Variants in CLTC observed in about 807,000 individuals in gnomAD.
CLTC encodes clathrin heavy chain 1.
Under a neutral mutation model 195.8 loss-of-function variants are expected in CLTC, and 16 were observed. The observed-to-expected ratio is 0.08, with a 90% CI of 0.06 to 0.12. CLTC has a LOEUF of 0.12. CLTC is among the 10% of genes least tolerant of loss of function. The pLI is 1.00. For missense variants in CLTC, 796 were observed against 2,027.0 expected (o/e 0.39, Z 11.66); for synonymous variants, 667 against 689.4 (o/e 0.97, Z 0.51).
At chr17:59,677,355 A>G (rs1567966186) in intron 17 of CLTC, among the ~76,000 whole-genome samples, 167 bp downstream of exon 17, 1 of 152,176 alleles carries the variant, frequency 6.6e-6, no homozygotes, top group Non-Finnish European at 1.5e-5. Context: ...AATAGTGGAT[A>G]AAGTCTATAT....
At chr17:59,655,606 C>G (rs191024534) in intron 5 of CLTC, among the ~76,000 whole-genome samples, 1 of 152,178 alleles carries the variant, frequency 6.6e-6, no homozygotes, top group East Asian at 1.9e-4. Context: ...CCCTGTAATA[C>G]GTAAACTGTG....
intron 5 of CLTC, 149 bp from the exon 6 acceptor site, chr17:59,655,705 G>A: frequency 1.8e-6 from 1 of 568,912 alleles, no homozygotes; most frequent in South Asian, 2.8e-5. Context: ...CTGTAGAAAT[G>A]AAGGAAACTT....
At chr17:59,680,864 T>A in intron 18 of CLTC, 48 bp from the exon 19 acceptor site, 2 of 1,490,194 alleles carry the variant, frequency 1.3e-6, no homozygotes, top group Non-Finnish European at 9.0e-7. Flanking sequence ...TACGCTTTTT[T>A]AAAACCAACT....
chr17:59,635,935 C>T (rs916075352), intron 1 of CLTC, among the ~76,000 whole-genome samples: 2 of 152,090 alleles, frequency 1.3e-5, no homozygotes, highest in African/African-American at 4.8e-5. Flanking sequence ...ATCGGCCAGG[C>T]GTGGTGGCTC....
intron 31 of CLTC, among the ~76,000 whole-genome samples, chr17:59,691,000 A>C (rs1263014755): frequency 6.6e-6 from 1 of 152,222 alleles, no homozygotes; most frequent in Non-Finnish European, 1.5e-5. Context: ...AATTACTGAA[A>C]AAGAAATATT....
In CLTC at chr17:59,620,246, C is replaced by T; in HGVS notation, c.42+73C>T. ...AGGATGGAAGACGCTGGAGTCTGGG[C>T]CCGAGCAGTATCGGAGCTGGAGGGG... is the stretch of plus-strand genomic sequence containing the variant. On this transcript the variant is annotated intron_variant, in intron 1 of 31. Transcript: ENST00000269122. 1.9e-6 allele frequency: 3 copies of T among 1,545,072 alleles called. No homozygotes were observed. The Admixed American group carries it at 5.0e-5, about 26-fold the overall frequency.
chr17:59,671,428 G>A (rs1157237167), intron 14 of CLTC, among the ~76,000 whole-genome samples: 1 of 152,044 alleles, frequency 6.6e-6, no homozygotes, highest in Non-Finnish European at 1.5e-5. Context: ...TAAACCCTGT[G>A]TCATAAGAAA....
intron 4 of CLTC, among the ~76,000 whole-genome samples, chr17:59,650,383 A>G (rs959183661): frequency 2.0e-5 from 3 of 152,196 alleles, no homozygotes; most frequent in African/African-American, 7.2e-5. Context: ...TAAAATTTAA[A>G]GCTAGGAGAA....
chr17:59,647,711 G>A (rs375787067), intron 3 of CLTC, 45 bp downstream of exon 3: 143 of 1,520,694 alleles, frequency 9.4e-5, no homozygotes, highest in African/African-American at 4.4e-4. Flanking sequence ...TTTAGAACAC[G>A]GTTGTGCCCA....
chr17:59,649,907 G>T (rs2032288251), intron 4 of CLTC, among the ~76,000 whole-genome samples: 1 of 152,054 alleles, frequency 6.6e-6, no homozygotes, highest in African/African-American at 2.4e-5. Context: ...TTATTGAAAA[G>T]TTCTACTAGA....
At chr17:59,687,078 CATG>C (rs2033200273) in intron 30 of CLTC, 1 of 918,142 alleles carries the variant, frequency 1.1e-6, no homozygotes, top group African/African-American at 1.8e-5. Flanking sequence ...AAGGAATTTG[CATG>C]ATGTTTTTCC....
chr17:59,646,943 T>C (rs996175105), intron 2 of CLTC, among the ~76,000 whole-genome samples: 18 of 152,202 alleles, frequency 1.2e-4, no homozygotes, highest in Non-Finnish European at 1.5e-5. Flanking sequence ...TTCCACAAGA[T>C]TTATTTAGAT....
chr17:59,682,617 T>C lies in CLTC; in HGVS notation c.3601-12T>C, dbSNP rs1311369713. On this transcript the variant is annotated splice_polypyrimidine_tract_variant and intron_variant, in intron 22 of 31. Coordinates refer to ENST00000269122, the MANE Select transcript of CLTC (RefSeq NM_004859.4). This position sits in a 1 kb window ranked among gnomAD's most constrained non-coding sequence, Gnocchi z 6.8. ...ATATCTTGCTGAATGTGGGTTACCT[T>C]TTTTTTTCCAGGTTGGTGACCGTTG... 1 of 1,612,398 alleles carries C rather than the reference T, an allele frequency of 6.2e-7. No homozygotes were observed. Among genetic ancestry groups the C allele is most frequent in the African/African-American group, 1.3e-5 (1 of 74,814 alleles).
intron 1 of CLTC, among the ~76,000 whole-genome samples, chr17:59,641,083 C>T (rs1290337723): frequency 6.7e-6 from 1 of 149,190 alleles, no homozygotes; most frequent in Admixed American, 6.7e-5. Flanking sequence ...CATGCCACTG[C>T]ATTCCAGCCT....
At chr17:59,632,455 A>G (rs1184903821) in intron 1 of CLTC, among the ~76,000 whole-genome samples, 1 of 152,052 alleles carries the variant, frequency 6.6e-6, no homozygotes, top group Non-Finnish European at 1.5e-5. Context: ...ATTTGAAAGA[A>G]CCAAAATTAA....
At chr17:59,626,274 C>T (rs542214417) in intron 1 of CLTC, among the ~76,000 whole-genome samples, 2 of 152,206 alleles carry the variant, frequency 1.3e-5, no homozygotes, top group African/African-American at 4.8e-5. Context: ...TGTGTTCGAA[C>T]ATTTGATATT....
rs549407301 is a variant in CLTC, at chr17:59,664,714, A to C, written c.1522-73A>C. The C allele has an allele frequency of 2.6e-4, 395 of 1,512,002 alleles. 1 individual carries two copies. The highest frequency in any genetic ancestry group is 3.2e-4 in the Non-Finnish European group (357 of 1,113,304). 93.7% of individuals were successfully genotyped at this position (1,512,002 alleles called of 1,614,324 possible). On this transcript the variant is annotated intron_variant, in intron 9 of 31. Coordinates refer to ENST00000269122, the MANE Select transcript of CLTC (RefSeq NM_004859.4). ...AGTAGTTCTATATTAGTGAGATTTT[A>C]TAGTAGAAAAAGTCTTTAAATGCTA...
chr17:59,684,949 T>C, intron 28 of CLTC, 107 bp from the exon 29 acceptor site: 2 of 772,282 alleles, frequency 2.6e-6, no homozygotes, highest in Non-Finnish European at 3.8e-6. Flanking sequence ...TGCTTGAATC[T>C]AGGTGTCATA....
intron 1 of CLTC, among the ~76,000 whole-genome samples, chr17:59,620,642 G>A (rs1330150096): frequency 6.6e-6 from 1 of 151,618 alleles, no homozygotes; most frequent in Non-Finnish European, 1.5e-5. Context: ...GGGTTGGGGA[G>A]GAGCAACCTT....
Sources: allele counts gnomAD v4.1 joint callset (sites outside exome capture counted in the v4.1 genomes callset), GRCh38; gene constraint gnomAD v4.1.1; non-coding constraint Gnocchi (gnomAD v3.1); transcripts MANE v1.5; gene names NCBI Gene and HGNC (gene_info 2026-07-23, HGNC 2026-07-21).